Variants in KIF5B observed in about 807,000 individuals in gnomAD.
The protein encoded by KIF5B is kinesin-1 heavy chain.
A neutral mutation model predicts 132.8 loss-of-function variants in KIF5B; 49 were observed. The observed-to-expected ratio is 0.37, with a 90% confidence interval of 0.29 to 0.47. The LOEUF (loss-of-function observed/expected upper bound fraction) is 0.47, where lower values mean the gene tolerates loss of function less well. Among genes scored for constraint, KIF5B ranks in the 20% least tolerant of loss-of-function variants. The probability of loss-of-function intolerance (pLI) is 1.00; values close to 1 mark genes in which losing one functional copy is unlikely to be tolerated. For missense variants in KIF5B, 780 were observed against 1,144.0 expected (o/e 0.68, Z 4.59); for synonymous variants, 355 against 369.4 (o/e 0.96, Z 0.45).
In KIF5B at chr10:32,028,537, T is replaced by C; in HGVS notation, c.1616A>G (p.Lys539Arg). The C allele has an allele frequency of 6.2e-7, 1 of 1,613,998 alleles. No homozygotes were observed. Among genetic ancestry groups the C allele is most frequent in the Non-Finnish European group, 8.5e-7 (1 of 1,179,910 alleles). The part of the protein sequence containing the change: ...TLASIDAELQ[K>R]LKEMTNHQKK... ...CTGGTGGTTGGTCATTTCCTTAAGT[T>C]TCTGAAGCTCAGCATCTATACTCGC... is the stretch of plus-strand genomic sequence containing the variant. The change falls in exon 15 of 26, where the codon AAA becomes AGA. Residue 539 changes from lysine (K) to arginine (R), a missense_variant. Lys to Arg is a conservative substitution (Grantham distance 26). Transcript: ENST00000302418.
chr10:32,032,619 T>C, intron 13 of KIF5B, 87 bp downstream of exon 13: 1 of 1,022,650 alleles, frequency 9.8e-7, no homozygotes, highest in South Asian at 1.3e-5. Context: ...CCCAAAATTA[T>C]ACAACTATTA....
At chr10:32,032,552 A>T (rs1434447270) in intron 13 of KIF5B, among the ~76,000 whole-genome samples, 154 bp downstream of exon 13, 1 of 152,248 alleles carries the variant, frequency 6.6e-6, no homozygotes, top group Non-Finnish European at 1.5e-5. Context: ...GATACGATGA[A>T]TAAGTAAAAA....
chr10:32,028,660 A>G, intron 14 of KIF5B, 89 bp from the exon 15 acceptor site: 1 of 1,098,816 alleles, frequency 9.1e-7, no homozygotes, highest in South Asian at 1.6e-5. Context: ...TTTTACACCA[A>G]GCCCTTACGA....
intron 15 of KIF5B, among the ~76,000 whole-genome samples, chr10:32,023,994 G>T (rs1489831940): frequency 7.0e-6 from 1 of 143,880 alleles, no homozygotes; most frequent in Non-Finnish European, 1.5e-5. Flanking sequence ...GTAAAACTTG[G>T]TAAGTTGGAC....
intron 14 of KIF5B, among the ~76,000 whole-genome samples, chr10:32,029,191 A>T (rs1192441992): frequency 6.6e-6 from 1 of 152,180 alleles, no homozygotes; most frequent in Non-Finnish European, 1.5e-5. Flanking sequence ...CTTTAAAATA[A>T]CTCATATGGC....
chr10:32,028,313 A>G (rs1841358472), intron 15 of KIF5B, 115 bp downstream of exon 15: 1 of 818,988 alleles, frequency 1.2e-6, no homozygotes, highest in African/African-American at 1.7e-5. Context: ...CTACTACACG[A>G]CTGTTTGTGA....
chr10:32,018,627 G>T, intron 20 of KIF5B, 65 bp from the exon 21 acceptor site: 1 of 1,192,806 alleles, frequency 8.4e-7, no homozygotes, highest in Non-Finnish European at 1.2e-6. Context: ...TAGCATGAGA[G>T]TTGAATAAAA....
At chr10:32,020,971 G>A (rs369153004) in intron 19 of KIF5B, 51 bp downstream of exon 19, 7 of 962,310 alleles carry the variant, frequency 7.3e-6, no homozygotes, top group African/African-American at 1.6e-5. Context: ...TATATACCAT[G>A]ACCATCAGTA....
intron 1 of KIF5B, among the ~76,000 whole-genome samples, chr10:32,054,611 A>G: frequency 6.6e-6 from 1 of 152,222 alleles, no homozygotes; most frequent in Non-Finnish European, 1.5e-5. Flanking sequence ...AATAGCCCCA[A>G]TACAGTATTA....
At chr10:32,016,526 G>GT (rs1416321983) in intron 24 of KIF5B, among the ~76,000 whole-genome samples, 1 of 152,064 alleles carries the variant, frequency 6.6e-6, no homozygotes, top group Non-Finnish European at 1.5e-5. Context: ...ATTTTTGTTT[G>GT]TTTGTTTGTT....
Position 32,050,346 on chromosome 10 carries a change from G to A in KIF5B, c.127-1795C>T, listed in dbSNP as rs147889108. The stretch of plus-strand genomic sequence containing the variant: ...GTCTCCCTGCAACTAGTAGTCACAT[G>A]ACCAAGCTCTGAATAATATGAAGTG... On this transcript the variant is annotated intron_variant, in intron 1 of 25. Transcript: ENST00000302418. Among the ~76,000 whole-genome samples, 18 of 152,290 alleles carry A rather than the reference G, an allele frequency of 1.2e-4. No homozygotes were observed. The East Asian group carries it at 2.3e-3, about 20-fold the overall frequency.
In KIF5B at chr10:32,048,459, T is replaced by C; in HGVS notation, c.214+5A>G. The C allele has an allele frequency of 1.3e-6, 2 of 1,591,870 alleles. No homozygotes were observed. Among genetic ancestry groups the C allele is most frequent in the Non-Finnish European group, 1.7e-6 (2 of 1,164,434 alleles). ...GAGACAACTCAGCAGGTTGAATATATTTACCTTTAACAATCTTCTTTGCAC... is the reference window on the plus strand; with the variant it reads ...GAGACAACTCAGCAGGTTGAATATACTTACCTTTAACAATCTTCTTTGCAC... On this transcript the variant is annotated splice_donor_5th_base_variant and intron_variant, in intron 2 of 25. Coordinates refer to ENST00000302418, the MANE Select transcript of KIF5B (RefSeq NM_004521.3).
intron 15 of KIF5B, among the ~76,000 whole-genome samples, chr10:32,027,277 C>A (rs1338359032): frequency 6.6e-6 from 1 of 152,056 alleles, no homozygotes; most frequent in African/African-American, 2.4e-5. Flanking sequence ...ACATACAAAT[C>A]TTTCATGTTA....
chr10:32,021,214 C>T lies in KIF5B; in HGVS notation c.2094+12G>A, dbSNP rs765222602. On this transcript the variant is annotated intron_variant, in intron 18 of 25. Coordinates refer to ENST00000302418, the MANE Select transcript of KIF5B (RefSeq NM_004521.3). Reference sequence around the variant, plus strand: ...TTAATTAAAGCTGTTAGAAATGTGACATCAAACTTGCCTTAACTTCATTTG... The same window carrying T: ...TTAATTAAAGCTGTTAGAAATGTGATATCAAACTTGCCTTAACTTCATTTG... The T allele has an allele frequency of 6.2e-7, 1 of 1,611,042 alleles. No individual in the cohort carries two copies. The highest frequency in any genetic ancestry group is 1.7e-4 in the Middle Eastern group (1 of 6,052).
Position 32,056,000 on chromosome 10 carries a change from G to T in KIF5B, c.-27C>A. The T allele has an allele frequency of 3.1e-6, 5 of 1,599,532 alleles. No homozygotes were observed. Among genetic ancestry groups the T allele is most frequent in the Non-Finnish European group, 4.2e-6 (5 of 1,179,492 alleles). ...TTTCTCGCAGCCGGGGCCGGCGGCC[G>T]GGAGCCACTCCCCGCCGCTCAGTCT... On this transcript the variant is annotated 5_prime_UTR_variant, in exon 1 of 26. Coordinates refer to ENST00000302418, the MANE Select transcript of KIF5B (RefSeq NM_004521.3).
chr10:32,031,956 G>A (rs932084180), intron 13 of KIF5B, among the ~76,000 whole-genome samples: 8 of 149,968 alleles, frequency 5.3e-5, no homozygotes, highest in South Asian at 4.3e-4. Context: ...CCAAGATCAC[G>A]CCGCTGCACT....
intron 2 of KIF5B, among the ~76,000 whole-genome samples, chr10:32,041,089 T>G (rs540950026): frequency 6.9e-6 from 1 of 144,192 alleles, no homozygotes; most frequent in South Asian, 2.2e-4. Context: ...GAGGTTGCAG[T>G]GAGCTGAGAT....
In KIF5B at chr10:32,029,855, GAGTT is replaced by G. The variant is rs756603980; in HGVS notation, c.1581+1214_1581+1217del. 5.3e-5 allele frequency among the ~76,000 whole-genome samples: 8 copies of G among 152,320 alleles called. No homozygotes were observed. In the South Asian group the frequency reaches 6.2e-4, roughly 12 times the overall value. ...CTTTGTTAATAATGCAACTCAGTAA[GAGTT>G]AGTTATAATGGTGTCTTAGATCTGT... On this transcript the variant is annotated intron_variant, in intron 14 of 25. Coordinates refer to ENST00000302418, the MANE Select transcript of KIF5B (RefSeq NM_004521.3).
rs745961550 is a variant in KIF5B, at chr10:32,055,879, T to C, written c.95A>G (p.Lys32Arg). Residue 32 changes from lysine to arginine, a missense_variant, in exon 1 of 26, where the codon AAG becomes AGG. Lys to Arg is a conservative substitution (Grantham distance 26). Coordinates refer to ENST00000302418, the MANE Select transcript of KIF5B (RefSeq NM_004521.3). ...EVNRGDKYIA[K>R]FQGEDTVVIA... ...CACGACCGTGTCTTCTCCCTGAAAC[T>C]TGGCGATGTACTTGTCGCCGCGGTT... is the stretch of plus-strand genomic sequence containing the variant. 17 of 1,612,936 alleles carry C rather than the reference T, an allele frequency of 1.1e-5. No homozygotes were observed. The highest frequency in any genetic ancestry group is 1.4e-5 in the Non-Finnish European group (16 of 1,179,878).
Sources: gnomAD v4.1 joint callset for allele counts (sites outside exome capture counted in the v4.1 genomes callset) on GRCh38, gnomAD v4.1.1 for gene constraint, MANE v1.5 for transcripts, NCBI Gene and HGNC (gene_info 2026-07-23, HGNC 2026-07-21) for gene names.